Variants in C4orf36 observed in about 807,000 individuals in gnomAD.
The protein encoded by C4orf36 is chromosome 4 open reading frame 36.
In C4orf36, 11 loss-of-function variants were observed where a neutral mutation model predicts 12.2. The observed-to-expected ratio is 0.90, with a 90% confidence interval of 0.57 to 1.49. C4orf36 has a LOEUF of 1.49. Among genes scored for constraint, C4orf36 ranks in the 40% most tolerant of loss-of-function variants. C4orf36 has a pLI of 0.00. For synonymous variants in C4orf36, 54 were observed against 51.3 expected, an observed-to-expected ratio of 1.05 and a Z score of -0.22; for missense variants, 137 against 133.9, an observed-to-expected ratio of 1.02 and a Z score of -0.11.
In C4orf36 at chr4:86,887,842, C is replaced by T; in HGVS notation, c.272G>A (p.Cys91Tyr). ...AATTTCCTTAGATGTATTTTCTTGA[C>T]ACTTCAGTTTACAAAGACGCTTCAC... The part of the protein sequence containing the change: ...YEVKRLCKLK[C>Y]QENTSKEIQL... The change falls in exon 4 of 5, where the codon TGT becomes TAT. Residue 91 changes from cysteine to tyrosine, a missense_variant. By Grantham distance (194) the Cys-to-Tyr change is radical. Coordinates refer to ENST00000295898, the MANE Select transcript of C4orf36 (RefSeq NM_144645.4). The T allele has an allele frequency of 7.4e-6, 12 of 1,614,186 alleles. No homozygotes were observed. The highest frequency in any genetic ancestry group is 1.0e-5 in the Non-Finnish European group (12 of 1,180,024).
chr4:86,884,627 C>T (rs1237547747), intron 4 of C4orf36, among the ~76,000 whole-genome samples: 2 of 151,966 alleles, frequency 1.3e-5, no homozygotes, highest in African/African-American at 4.8e-5. Flanking sequence ...TTTAGGAGAA[C>T]AAAAACAAAG....
chr4:86,910,918 T>C, the C4orf36 span, among the ~76,000 whole-genome samples: 1 of 149,350 alleles, frequency 6.7e-6, no homozygotes, highest in African/African-American at 2.5e-5. Context: ...ACAAAAAAAA[T>C]AGCTAAAAAA....
the C4orf36 span, chr4:86,936,152 C>T: frequency 2.0e-5 from 3 of 152,288 alleles, no homozygotes; most frequent in African/African-American, 7.2e-5. Flanking sequence ...GGAGATGTGT[C>T]CGAATCTCCC....
chr4:86,925,432 G>T, the C4orf36 span: 1 of 152,194 alleles, frequency 6.6e-6, no homozygotes, highest in Non-Finnish European at 1.5e-5. Context: ...TGCCAGGCTC[G>T]TCTCAAACTC....
the C4orf36 span, among the ~76,000 whole-genome samples, chr4:86,907,920 A>G: frequency 1.3e-5 from 2 of 151,540 alleles, no homozygotes; most frequent in Admixed American, 1.3e-4. Flanking sequence ...GTGAGCCGAG[A>G]TCATGCCACT....
chr4:86,903,522 C>T, the C4orf36 span, among the ~76,000 whole-genome samples: 3 of 152,324 alleles, frequency 2.0e-5, no homozygotes, highest in Non-Finnish European at 2.9e-5. Flanking sequence ...TTCGTGGTCT[C>T]GCTGGCTTCA....
chr4:86,911,006 C>G, the C4orf36 span, among the ~76,000 whole-genome samples: 1 of 152,256 alleles, frequency 6.6e-6, no homozygotes, highest in South Asian at 2.1e-4. Flanking sequence ...TTGCTTGAAC[C>G]TGGGAGGCAG....
the C4orf36 span, among the ~76,000 whole-genome samples, chr4:86,903,801 G>A: frequency 2.0e-5 from 3 of 152,110 alleles, no homozygotes; most frequent in Admixed American, 6.6e-5. Flanking sequence ...GTTTTGACAG[G>A]GTGCTGATTG....
intron 1 of C4orf36, among the ~76,000 whole-genome samples, chr4:86,891,826 G>A (rs1334799502): frequency 1.3e-5 from 2 of 152,120 alleles, no homozygotes; most frequent in Non-Finnish European, 2.9e-5. Context: ...CAAAGTTTCG[G>A]TGTCGCACTC....
the C4orf36 span, among the ~76,000 whole-genome samples, chr4:86,918,472 C>T: frequency 7.2e-5 from 11 of 152,182 alleles, no homozygotes; most frequent in African/African-American, 2.7e-4. Flanking sequence ...ATCCTGGCAA[C>T]TCTAAGACTT....
chr4:86,921,266 C>T, the C4orf36 span, among the ~76,000 whole-genome samples: 9 of 151,412 alleles, frequency 5.9e-5, no homozygotes, highest in African/African-American at 1.9e-4. Context: ...GTCACACACA[C>T]AAAAAAATAG....
chr4:86,885,465 G>A (rs1186755069), intron 4 of C4orf36, among the ~76,000 whole-genome samples: 14 of 152,122 alleles, frequency 9.2e-5, no homozygotes, highest in South Asian at 2.1e-4. Context: ...AAGCAATTGC[G>A]AATGGGAGTT....
chr4:86,907,976 GA>G, the C4orf36 span, among the ~76,000 whole-genome samples: 2 of 150,296 alleles, frequency 1.3e-5, no homozygotes, highest in Non-Finnish European at 3.0e-5. Context: ...AAAAAAAAGA[GA>G]AAAAAAGAAA....
chr4:86,922,358 T>C, the C4orf36 span, among the ~76,000 whole-genome samples: 3 of 152,246 alleles, frequency 2.0e-5, no homozygotes, highest in Admixed American at 6.5e-5. Context: ...ATATAGAGCA[T>C]GAATGGATAT....
At chr4:86,905,476 C>A in the C4orf36 span, among the ~76,000 whole-genome samples, 39 of 152,032 alleles carry the variant, frequency 2.6e-4, no homozygotes, top group African/African-American at 8.7e-4. Context: ...TTGCTTGAGC[C>A]CCAGAGATTA....
intron 4 of C4orf36, among the ~76,000 whole-genome samples, chr4:86,877,141 A>G (rs1746945073): frequency 6.6e-6 from 1 of 152,220 alleles, no homozygotes; most frequent in Non-Finnish European, 1.5e-5. Context: ...ATATGTTGAT[A>G]CAGCTGGAGA....
chr4:86,916,503 T>C, the C4orf36 span, among the ~76,000 whole-genome samples: 1 of 152,056 alleles, frequency 6.6e-6, no homozygotes, highest in Non-Finnish European at 1.5e-5. Context: ...CTAATCAAGA[T>C]TAGCCAGGCT....
chr4:86,896,792 T>G (rs754706803), upstream of C4orf36, among the ~76,000 whole-genome samples: 7 of 152,236 alleles, frequency 4.6e-5, no homozygotes, highest in Non-Finnish European at 1.0e-4. Context: ...TGGACTATCT[T>G]GTTCAGAAGA....
the C4orf36 span, among the ~76,000 whole-genome samples, chr4:86,912,370 C>T: frequency 3.1e-3 from 467 of 152,250 alleles, 4 homozygotes; most frequent in African/African-American, 0.011. Flanking sequence ...AACTGAGACT[C>T]AAAAATGTTA....
Sources: gnomAD v4.1 joint callset for allele counts (sites outside exome capture counted in the v4.1 genomes callset) on GRCh38, gnomAD v4.1.1 for gene constraint, MANE v1.5 for transcripts, NCBI Gene and HGNC (gene_info 2026-07-23, HGNC 2026-07-21) for gene names.